POLN: variants seen among roughly 807,000 people sequenced by gnomAD.
The protein encoded by POLN is DNA polymerase nu.
Under a neutral mutation model 113.5 loss-of-function variants are expected in POLN, and 108 were observed. The ratio of observed to expected loss-of-function variants is 0.95; its 90% CI spans 0.81 to 1.12. POLN has a LOEUF of 1.12. Ranked by LOEUF, POLN falls within the 50% of genes most tolerant of loss-of-function variation. POLN has a pLI of 0.00. For missense variants in POLN, 1,097 were observed against 1,077.1 expected, an observed-to-expected ratio of 1.02 and a Z score of -0.26; for synonymous variants, 386 against 391.5, an observed-to-expected ratio of 0.99 and a Z score of 0.17.
intron 3 of POLN, among the ~76,000 whole-genome samples, chr4:2,220,649 TAG>T (rs1463749108): frequency 6.6e-6 from 1 of 152,342 alleles, no homozygotes; most frequent in Non-Finnish European, 1.5e-5. Context: ...CTGGATTCTT[TAG>T]AGTTTTCTCT....
intron 3 of POLN, among the ~76,000 whole-genome samples, chr4:2,225,803 C>G (rs891583593): frequency 6.6e-6 from 1 of 151,830 alleles, no homozygotes; most frequent in Non-Finnish European, 1.5e-5. Context: ...GAGTTTGAGA[C>G]CAGCCTGGGC....
intron 18 of POLN, 38 bp downstream of exon 18, chr4:2,129,141 C>T (rs1731658465): frequency 1.4e-6 from 2 of 1,426,810 alleles, no homozygotes; most frequent in Non-Finnish European, 9.9e-7. Context: ...AACCTTTGAA[C>T]CCTATGAAAA....
At chr4:2,193,719 C>T (rs980962269) in intron 6 of POLN, among the ~76,000 whole-genome samples, 25 of 152,332 alleles carry the variant, frequency 1.6e-4, no homozygotes, top group African/African-American at 6.0e-4. Flanking sequence ...TCCTCCACCA[C>T]AGGCTGTGCC....
At chr4:2,133,214 G>C (rs1365268805) in intron 16 of POLN, among the ~76,000 whole-genome samples, 3 of 151,432 alleles carry the variant, frequency 2.0e-5, no homozygotes, top group African/African-American at 4.8e-5. Flanking sequence ...TATACTGTTG[G>C]TGGGAAAGTA....
intron 7 of POLN, among the ~76,000 whole-genome samples, chr4:2,181,868 T>C (rs905477153): frequency 2.0e-5 from 3 of 151,698 alleles, no homozygotes; most frequent in Admixed American, 6.6e-5. Context: ...GGTGTGGTGG[T>C]GGGCACCTGC....
chr4:2,143,095 A>G (rs1423881939), intron 16 of POLN, among the ~76,000 whole-genome samples: 1 of 152,120 alleles, frequency 6.6e-6, no homozygotes, highest in Non-Finnish European at 1.5e-5. Context: ...TGAGAGGAAA[A>G]TTTATAGCAC....
At chr4:2,140,604 AGGTAT>A (rs1225639160) in intron 16 of POLN, among the ~76,000 whole-genome samples, 2 of 152,030 alleles carry the variant, frequency 1.3e-5, no homozygotes, top group African/African-American at 2.4e-5. Context: ...AAAATTAGCC[AGGTAT>A]GGTGGTTGTA....
chr4:2,214,219 G>C (rs1734060152), intron 3 of POLN, among the ~76,000 whole-genome samples: 3 of 151,922 alleles, frequency 2.0e-5, no homozygotes, highest in South Asian at 2.1e-4. Context: ...CTGGGTTACA[G>C]GGCAAGACTC....
intron 7 of POLN, among the ~76,000 whole-genome samples, chr4:2,180,566 C>T (rs1264551135): frequency 6.6e-6 from 1 of 152,178 alleles, no homozygotes; most frequent in East Asian, 1.9e-4. Flanking sequence ...TACAGTAGCA[C>T]ATTTGGAGCT....
intron 19 of POLN, among the ~76,000 whole-genome samples, chr4:2,110,502 T>C (rs1460562836): frequency 2.0e-5 from 3 of 151,576 alleles, no homozygotes; most frequent in African/African-American, 2.4e-5. Flanking sequence ...GCAAGACTAA[T>C]AAAGAAGAAA....
chr4:2,238,477 AATAG>A, intron 2 of POLN: 1 of 561,220 alleles, frequency 1.8e-6, no homozygotes, highest in Non-Finnish European at 2.9e-6. Flanking sequence ...ATGGAAAAAA[AATAG>A]AAAGGCCAAA....
chr4:2,091,939 G>A (rs1176705137), intron 20 of POLN, among the ~76,000 whole-genome samples: 1 of 152,228 alleles, frequency 6.6e-6, no homozygotes, highest in Admixed American at 6.5e-5. Context: ...GCAAGTGCCT[G>A]CACATAGTGG....
intron 4 of POLN, among the ~76,000 whole-genome samples, chr4:2,210,630 TAAAAAA>T (rs550506550): frequency 2.3e-5 from 2 of 88,606 alleles, no homozygotes; most frequent in Non-Finnish European, 4.1e-5. Context: ...ATAATAATAA[TAAAAAA>T]AAGAGGCCGG....
chr4:2,081,551 C>G (rs906308588), intron 22 of POLN, 82 bp downstream of exon 22: 6 of 1,309,112 alleles, frequency 4.6e-6, no homozygotes, highest in Admixed American at 3.7e-5. Context: ...CAACAGTGAT[C>G]GGTGGGTGCC....
chr4:2,148,094 C>T (rs1441730448), intron 16 of POLN, among the ~76,000 whole-genome samples: 2 of 152,082 alleles, frequency 1.3e-5, no homozygotes, highest in Non-Finnish European at 2.9e-5. Context: ...TGTTATAATA[C>T]AGTATAACGA....
At chr4:2,239,184 A>G (rs956330022) in intron 2 of POLN, 1 of 516,964 alleles carries the variant, frequency 1.9e-6, no homozygotes, top group African/African-American at 1.9e-5. Context: ...ATAAACAAAA[A>G]TTACAGTTTA....
intron 19 of POLN, among the ~76,000 whole-genome samples, chr4:2,125,242 G>T (rs1199413856): frequency 6.6e-6 from 1 of 152,342 alleles, no homozygotes; most frequent in East Asian, 1.9e-4. Context: ...GACTCCTGGA[G>T]ATGTGCACTG....
intron 7 of POLN, among the ~76,000 whole-genome samples, chr4:2,185,565 G>A (rs1223807651): frequency 6.6e-6 from 1 of 152,204 alleles, no homozygotes; most frequent in Non-Finnish European, 1.5e-5. Flanking sequence ...GGCCAACATG[G>A]TGAAACCCCT....
At chr4:2,212,047 A>G (rs902721135) in intron 4 of POLN, among the ~76,000 whole-genome samples, 1 of 152,142 alleles carries the variant, frequency 6.6e-6, no homozygotes, top group African/African-American at 2.4e-5. Flanking sequence ...TAATCATCCC[A>G]TCAACCCAAG....
Sources: allele counts gnomAD v4.1 joint callset (sites outside exome capture counted in the v4.1 genomes callset), GRCh38; gene constraint gnomAD v4.1.1; transcripts MANE v1.5; gene names NCBI Gene and HGNC (gene_info 2026-07-23, HGNC 2026-07-21).